LNX1: variants seen among roughly 807,000 people sequenced by gnomAD.
LNX1 encodes the protein ligand of numb-protein X 1, also known as E3 ubiquitin-protein ligase LNX.
Under a neutral mutation model 68.4 loss-of-function variants are expected in LNX1, and 54 were observed. The ratio of observed to expected loss-of-function variants is 0.79; its 90% CI spans 0.63 to 0.99. The LOEUF is 0.99. LNX1 is among the 50% of genes least tolerant of loss of function. LNX1 has a pLI of 0.00. For missense variants in LNX1, 906 were observed against 926.4 expected (o/e 0.98, Z 0.29); for synonymous variants, 336 against 350.0 (o/e 0.96, Z 0.45).
chr4:53,518,269 G>T (rs1726945564), intron 2 of LNX1, among the ~76,000 whole-genome samples: 1 of 152,172 alleles, frequency 6.6e-6, no homozygotes, highest in Non-Finnish European at 1.5e-5. Flanking sequence ...ATGCTGACAT[G>T]TTCCTATGGC....
At chr4:53,628,382 G>A (rs2109868731) in intron 1 of LNX1, among the ~76,000 whole-genome samples, 1 of 152,104 alleles carries the variant, frequency 6.6e-6, no homozygotes, top group African/African-American at 2.4e-5. Context: ...CAAGAAACAT[G>A]GAAAAATGTT....
intron 2 of LNX1, among the ~76,000 whole-genome samples, chr4:53,553,689 C>T (rs1326032941): frequency 6.6e-6 from 1 of 152,150 alleles, no homozygotes; most frequent in African/African-American, 2.4e-5. Flanking sequence ...AAAGCACTGT[C>T]ACTCATTCTT....
chr4:53,609,668 TATACTATTATAGTACTATTATA>T lies in LNX1; in HGVS notation c.-215+6827_-215+6848del, dbSNP rs1005222071. Among the ~76,000 whole-genome samples the T allele has an allele frequency of 1.2e-4, 18 of 145,018 alleles. No homozygotes were observed. In the South Asian group the frequency reaches 2.8e-3, roughly 22 times the overall value. ...ATTTATAATACTATTATAGTACTAT[TATACTATTATAGTACTATTATA>T]ATACTATTATAGTACTATTATAATA... On this transcript the variant is annotated intron_variant, in intron 2 of 3. Transcript: ENST00000504299.
chr4:53,599,750 C>G (rs1163597157), intron 2 of LNX1, among the ~76,000 whole-genome samples: 1 of 152,158 alleles, frequency 6.6e-6, no homozygotes, highest in Non-Finnish European at 1.5e-5. Context: ...TCATGGGAAC[C>G]AAGACTGAAG....
rs565395453 is a variant in LNX1, at chr4:53,568,255, C to G, written c.380+5368G>C. On this transcript the variant is annotated intron_variant, in intron 2 of 10. Transcript: ENST00000263925. ...TGATGCAAAAATCCTCAATAAAATA[C>G]TGGCAAACCAAATCCAGCAGCACAT... Among the ~76,000 whole-genome samples the G allele has an allele frequency of 1.4e-4, 21 of 151,758 alleles. No individual in the cohort carries two copies. The South Asian group carries it at 4.4e-3, about 32-fold the overall frequency.
intron 2 of LNX1, among the ~76,000 whole-genome samples, chr4:53,572,488 T>C (rs1474922238): frequency 6.6e-6 from 1 of 152,158 alleles, no homozygotes; most frequent in East Asian, 1.9e-4. Flanking sequence ...AGAGAATCCA[T>C]GCATGTCCCA....
At chr4:53,570,824 G>C in intron 2 of LNX1, among the ~76,000 whole-genome samples, 1 of 151,294 alleles carries the variant, frequency 6.6e-6, no homozygotes, top group Non-Finnish European at 1.5e-5. Context: ...TCAGGAGATC[G>C]AGACCATCCT....
At chr4:53,595,227 GGGA>G (rs1336539003), upstream of LNX1, among the ~76,000 whole-genome samples, 2 of 152,142 alleles carry the variant, frequency 1.3e-5, no homozygotes, top group Non-Finnish European at 2.9e-5. Context: ...ATATCTGTTG[GGGA>G]GGAACATGTG....
intron 2 of LNX1, among the ~76,000 whole-genome samples, chr4:53,572,114 C>A (rs1375140265): frequency 6.6e-6 from 1 of 152,158 alleles, no homozygotes; most frequent in African/African-American, 2.4e-5. Context: ...TCCCCTTGCC[C>A]AGTGTGGCTC....
intron 2 of LNX1, among the ~76,000 whole-genome samples, chr4:53,561,865 A>G (rs1730312690): frequency 2.0e-5 from 3 of 152,168 alleles, no homozygotes; most frequent in Admixed American, 6.5e-5. Context: ...GGTGCAGCAA[A>G]CCATCATGAC....
intron 2 of LNX1, 65 bp from the exon 3 acceptor site, chr4:53,508,292 C>G (rs1726072645): frequency 2.5e-6 from 4 of 1,573,198 alleles, no homozygotes; most frequent in African/African-American, 2.7e-5. Context: ...TCAGTCAGCC[C>G]TCTTCAAATA....
In LNX1 at chr4:53,476,901, A is replaced by G. The variant is rs1272217841; in HGVS notation, c.1744T>C (p.Ser582Pro). The G allele has an allele frequency of 6.2e-7, 1 of 1,614,130 alleles. No homozygotes were observed. The highest frequency in any genetic ancestry group is 1.7e-5 in the Admixed American group (1 of 60,022). Residue 582 changes from serine (S) to proline (P), a missense_variant, in exon 9 of 11, where the codon TCA becomes CCA. By Grantham distance (74) the Ser-to-Pro change is moderately conservative (BLOSUM62 -1). Transcript: ENST00000263925. The part of the protein sequence containing the change: ...SEAVALLKRT[S>P]SSIVLKALEV... Reference sequence around the variant, plus strand: ...AAAGCTTTGAGTACTATCGAGGATGATGTTCTTTTCAATAATGCCACTGCC... The same window carrying G: ...AAAGCTTTGAGTACTATCGAGGATGGTGTTCTTTTCAATAATGCCACTGCC...
chr4:53,507,408 CA>C lies in LNX1; in HGVS notation c.683del (p.Leu228Ter). On this transcript the variant is annotated frameshift_variant, in exon 4 of 11. Coordinates refer to ENST00000263925, the MANE Select transcript of LNX1 (RefSeq NM_001126328.3). LOFTEE classifies it high-confidence loss of function. ...SRSFKKINRALSVLRRTKSGS... is the reference protein window; with the variant it reads ...SRSFKKINRAXSVLRRTKSGS... Reference sequence around the variant, plus strand: ...CGCTCTTTGTCCTTCGAAGAACACTCAAAGCTCGATTTATTTTTTTAAATGA... The same window carrying C: ...CGCTCTTTGTCCTTCGAAGAACACTCAAGCTCGATTTATTTTTTTAAATGA... The C allele has an allele frequency of 6.2e-7, 1 of 1,614,130 alleles. No individual in the cohort carries two copies. The highest frequency in any genetic ancestry group is 8.5e-7 in the Non-Finnish European group (1 of 1,180,016).
chr4:53,610,196 C>T (rs2109846936), intron 2 of LNX1, among the ~76,000 whole-genome samples: 1 of 152,044 alleles, frequency 6.6e-6, no homozygotes, highest in Non-Finnish European at 1.5e-5. Flanking sequence ...TGAGCAAATT[C>T]AGAGTAATGA....
intron 2 of LNX1, among the ~76,000 whole-genome samples, chr4:53,524,726 C>T (rs1213418421): frequency 1.3e-5 from 2 of 152,152 alleles, no homozygotes; most frequent in Non-Finnish European, 2.9e-5. Flanking sequence ...CATAGTTGAG[C>T]CATTTGGGTC....
At chr4:53,471,881 T>C (rs1470276889) in intron 9 of LNX1, among the ~76,000 whole-genome samples, 1 of 152,178 alleles carries the variant, frequency 6.6e-6, no homozygotes, top group African/African-American at 2.4e-5. Context: ...ACTTTTACAC[T>C]GTTGGTGGGA....
chr4:53,546,644 A>T (rs575949730), intron 2 of LNX1, among the ~76,000 whole-genome samples: 1 of 152,316 alleles, frequency 6.6e-6, no homozygotes, highest in East Asian at 1.9e-4. Flanking sequence ...AGACTAAATC[A>T]TCTCCAAGCT....
At chr4:53,641,526 G>C (rs553033294) in intron 1 of LNX1, among the ~76,000 whole-genome samples, 5 of 152,316 alleles carry the variant, frequency 3.3e-5, no homozygotes, top group Admixed American at 6.5e-5. Context: ...CCATGCCTCT[G>C]TTTCTCCCCA....
At chr4:53,519,444 T>G (rs1727043407) in intron 2 of LNX1, among the ~76,000 whole-genome samples, 1 of 151,674 alleles carries the variant, frequency 6.6e-6, no homozygotes, top group Admixed American at 6.6e-5. Flanking sequence ...CAGTGTTTTT[T>G]TTTTTTTTTT....
Sources: gnomAD v4.1 joint callset for allele counts (sites outside exome capture counted in the v4.1 genomes callset) on GRCh38, gnomAD v4.1.1 for gene constraint, MANE v1.5 for transcripts, NCBI Gene and HGNC (gene_info 2026-07-23, HGNC 2026-07-21) for gene names.